Variants in SLITRK5 observed in about 807,000 individuals in gnomAD.
SLITRK5 encodes the protein SLIT and NTRK-like protein 5.
A neutral mutation model predicts 56.2 loss-of-function variants in SLITRK5; 23 were observed. The observed-to-expected ratio is 0.41, with a 90% CI of 0.29 to 0.58. SLITRK5 has a LOEUF of 0.58. Ranked by LOEUF, SLITRK5 falls within the 20% of genes least tolerant of loss-of-function variation. The probability of loss-of-function intolerance (pLI) is 0.30; values close to 1 mark genes in which losing one functional copy is unlikely to be tolerated. For synonymous variants in SLITRK5, 637 were observed against 531.8 expected (o/e 1.20, Z -2.72); for missense variants, 1,289 against 1,226.6 (o/e 1.05, Z -0.76).
Position 87,676,300 on chromosome 13 carries a change from G to T in SLITRK5, c.912G>T (p.Gly304=), listed in dbSNP as rs765764841. Residue 304 remains glycine (G), a synonymous_variant, in exon 2 of 2, where the codon GGG becomes GGT. Coordinates refer to ENST00000683689, the MANE Select transcript of SLITRK5 (RefSeq NM_001384609.1). ...MRPQTPLSTT[G]YLHTTPASVN... ...CGCAGACGCCTTTGAGCACCACGGG[G>T]TATTTACACACCACCCCGGCGTCAG... 2 of 1,614,078 alleles carry T rather than the reference G, an allele frequency of 1.2e-6. No individual in the cohort carries two copies. The highest frequency in any genetic ancestry group is 1.7e-5 in the Admixed American group (1 of 60,010).
rs75498472 is a variant in SLITRK5, at chr13:87,675,700, C to T, written c.312C>T (p.Tyr104=). ...TCTATCCCAATGAGTTTGTCAATTA[C>T]ACTGGGGCTTCAATTTTGCATCTAG... is the stretch of plus-strand genomic sequence containing the variant. ...NRLYPNEFVN[Y]TGASILHLGS... The change falls in exon 2 of 2, where the codon TAC becomes TAT. Residue 104 remains tyrosine (Y), a synonymous_variant. Transcript: ENST00000683689. 2.0e-5 allele frequency: 33 copies of T among 1,614,166 alleles called. No homozygotes were observed. The highest frequency in any genetic ancestry group is 2.8e-5 in the Non-Finnish European group (33 of 1,180,040).
Position 87,678,208 on chromosome 13 carries a change from C to G in SLITRK5, c.2820C>G (p.Asn940Lys), listed in dbSNP as rs202157449. 1.8e-5 allele frequency: 29 copies of G among 1,614,064 alleles called. No homozygotes were observed. Among genetic ancestry groups the G allele is most frequent in the Non-Finnish European group, 2.1e-5 (25 of 1,180,040 alleles). ...NEYLELKAKL[N>K]VEPDYLEVLE... ...ATCTGGAGTTAAAAGCAAAACTAAA[C>G]GTTGAGCCGGACTACCTCGAAGTGC... Residue 940 changes from asparagine (N) to lysine (K), a missense_variant, in exon 2 of 2, where the codon AAC (asparagine) becomes AAG (lysine). Physicochemically the swap from Asn to Lys is moderately conservative, Grantham distance 94 (BLOSUM62 0). Around this residue, in one of 3 missense-constraint regions of SLITRK5, gnomAD observed 985 missense variants for 906.0 expected, o/e 1.09. Coordinates refer to ENST00000683689, the MANE Select transcript of SLITRK5 (RefSeq NM_001384609.1).
In SLITRK5 at chr13:87,675,749, G is replaced by A. The variant is rs779859094; in HGVS notation, c.361G>A (p.Glu121Lys). The A allele has an allele frequency of 3.1e-6, 5 of 1,614,158 alleles. No individual in the cohort carries two copies. Among genetic ancestry groups the A allele is most frequent in the Non-Finnish European group, 4.2e-6 (5 of 1,180,042 alleles). The change falls in exon 2 of 2, where the codon GAG (glutamate) becomes AAG (lysine). Residue 121 changes from glutamate to lysine, a missense_variant. By Grantham distance (56) the Glu-to-Lys change is moderately conservative. Around this residue, in one of 3 missense-constraint regions of SLITRK5, gnomAD observed 291 missense variants for 286.7 expected, o/e 1.02. Coordinates refer to ENST00000683689, the MANE Select transcript of SLITRK5 (RefSeq NM_001384609.1). ...AGGTAGCAATGTTATCCAGGACATT[G>A]AGACCGGGGCTTTCCATGGGCTACG... ...HLGSNVIQDI[E>K]TGAFHGLRGL...
Position 87,678,018 on chromosome 13 carries a change from A to C in SLITRK5, c.2630A>C (p.Tyr877Ser). 1 of 1,614,088 alleles carries C rather than the reference A, an allele frequency of 6.2e-7. No individual in the cohort carries two copies. The highest frequency in any genetic ancestry group is 8.5e-7 in the Non-Finnish European group (1 of 1,179,968). The change falls in exon 2 of 2, where the codon TAT becomes TCT. Residue 877 changes from tyrosine (Y) to serine (S), a missense_variant. This residue lies in a region of SLITRK5 where 985 missense variants were observed against 906.0 expected (regional missense o/e 1.09). Transcript: ENST00000683689. Reference sequence around the variant, plus strand: ...CCCGCCGGCAATAGCCTCCCGGAATATCCCAAATTCCCGTGCAGCCCCGCT... The same window carrying C: ...CCCGCCGGCAATAGCCTCCCGGAATCTCCCAAATTCCCGTGCAGCCCCGCT... ...TTPAGNSLPE[Y>S]PKFPCSPAAY...
Position 87,675,676 on chromosome 13 carries a change from C to A in SLITRK5, c.288C>A (p.Leu96=), listed in dbSNP as rs1202258798. The change falls in exon 2 of 2, where the codon CTC becomes CTA. Residue 96 remains leucine (L), a synonymous_variant. Coordinates refer to ENST00000683689, the MANE Select transcript of SLITRK5 (RefSeq NM_001384609.1). ...LLLSGNLLNR[L]YPNEFVNYTG... ...TGTCCGGAAACCTTTTGAACCGTCT[C>A]TATCCCAATGAGTTTGTCAATTACA... 1 of 1,614,198 alleles carries A rather than the reference C, an allele frequency of 6.2e-7. No homozygotes were observed. Among genetic ancestry groups the A allele is most frequent in the African/African-American group, 1.3e-5 (1 of 75,056 alleles).
chr13:87,677,815 C>T lies in SLITRK5; in HGVS notation c.2427C>T (p.Pro809=). Residue 809 remains proline (P), a synonymous_variant, in exon 2 of 2, where the codon CCC becomes CCT. Transcript: ENST00000683689. This position sits in a 1 kb window ranked among gnomAD's most constrained non-coding sequence, Gnocchi z 4.7. The part of the protein sequence containing the change: ...PPPPQQPQQQ[P]PPQLQLQPGE... ...CACCGCAGCAGCCACAGCAGCAGCC[C>T]CCGCCGCAGCTGCAGCTGCAGCCCG... The T allele has an allele frequency of 6.2e-7, 1 of 1,611,082 alleles. No individual in the cohort carries two copies. Among genetic ancestry groups the T allele is most frequent in the Non-Finnish European group, 8.5e-7 (1 of 1,178,366 alleles).
rs1280771765 is a variant in SLITRK5 at position 87,673,329 on chromosome 13, C to T, written c.-9+1120C>T. 7 of 341,836 alleles carry T rather than the reference C, an allele frequency of 2.0e-5. No homozygotes were observed. The East Asian group carries it at 5.4e-4, about 26-fold the overall frequency. The allele number at this position is 341,836 out of a possible 1,614,324, so 21.2% of individuals were successfully genotyped here. A position where few individuals can be genotyped will look rare whatever the true frequency, so the allele number is the denominator to read the frequency against. ...CTTTATTTTCTCAAATTTTTGGTCT[C>T]CTTTGCTAGCAAGGAGGAGGGGGAA... On this transcript the variant is annotated intron_variant, in intron 1 of 1. Coordinates refer to ENST00000683689, the MANE Select transcript of SLITRK5 (RefSeq NM_001384609.1).
At chr13:87,672,353 C>G (rs530110877) in intron 1 of SLITRK5, among the ~76,000 whole-genome samples, 144 bp downstream of exon 1, 85 of 152,074 alleles carry the variant, frequency 5.6e-4, no homozygotes, top group African/African-American at 2.0e-3. Flanking sequence ...GTCACGTTGG[C>G]GGGGCCGGCG....
In SLITRK5 at chr13:87,675,637, C is replaced by A; in HGVS notation, c.249C>A (p.Ile83=). 6.2e-7 allele frequency: 1 copy of A among 1,614,224 alleles called. No individual in the cohort carries two copies. The highest frequency in any genetic ancestry group is 1.1e-5 in the South Asian group (1 of 91,088). The part of the protein sequence containing the change: ...LSEISPPRFP[I]YHLLLSGNLL... ...AAATTAGCCCTCCCCGTTTCCCAAT[C>A]TACCACCTCTTGTTGTCCGGAAACC... is the stretch of plus-strand genomic sequence containing the variant. Residue 83 remains isoleucine (I), a synonymous_variant, in exon 2 of 2, where the codon ATC becomes ATA. Transcript: ENST00000683689.
chr13:87,675,306 G>T, intron 1 of SLITRK5, 75 bp from the exon 2 acceptor site: 1 of 1,048,162 alleles, frequency 9.5e-7, no homozygotes, highest in Middle Eastern at 2.1e-4. Flanking sequence ...TGTTAAGAAA[G>T]AGAGAGACTT....
Position 87,678,392 on chromosome 13 carries a change from T to C in SLITRK5, c.*127T>C, listed in dbSNP as rs548949503. 2.1e-5 allele frequency: 19 copies of C among 908,638 alleles called. No individual in the cohort carries two copies. In the South Asian group the frequency reaches 2.8e-4, roughly 13 times the overall value. 56.3% of individuals were successfully genotyped at this position (908,638 alleles called of 1,614,324 possible). A position where few individuals can be genotyped will look rare whatever the true frequency, so the allele number is the denominator to read the frequency against. ...GTGAAGTGCCTTGGCACGGGATTTC[T>C]CAGCTTCGGTGGAAGATACGAAAAG... On this transcript the variant is annotated 3_prime_UTR_variant, in exon 2 of 2. Transcript: ENST00000683689.
chr13:87,672,980 G>A (rs1376675528), intron 1 of SLITRK5, among the ~76,000 whole-genome samples: 1 of 150,234 alleles, frequency 6.7e-6, no homozygotes, highest in African/African-American at 2.5e-5. Flanking sequence ...CCTTCTCTTT[G>A]GGGCGGGGTG....
At position 87,675,511 on chromosome 13, in the gene SLITRK5, C is replaced by G. The variant is rs1001992164; in HGVS notation, c.123C>G (p.Ile41Met). The G allele has an allele frequency of 1.2e-6, 2 of 1,614,160 alleles. No homozygotes were observed. Among genetic ancestry groups the G allele is most frequent in the Non-Finnish European group, 1.7e-6 (2 of 1,180,034 alleles). The change falls in exon 2 of 2, where the codon ATC becomes ATG. Residue 41 changes from isoleucine (I) to methionine (M), a missense_variant. Ile to Met is a conservative substitution (Grantham distance 10). Coordinates refer to ENST00000683689, the MANE Select transcript of SLITRK5 (RefSeq NM_001384609.1). The part of the protein sequence containing the change: ...TSLVLSCAET[I>M]DYYGEICDNA... The stretch of plus-strand genomic sequence containing the variant: ...TCGTCCTTTCGTGTGCAGAAACCAT[C>G]GATTATTATGGGGAAATCTGTGACA...
chr13:87,675,864 A>C lies in SLITRK5; in HGVS notation c.476A>C (p.Gln159Pro). Residue 159 changes from glutamine to proline, a missense_variant, in exon 2 of 2, where the codon CAG (glutamine) becomes CCG (proline). Around this residue, in one of 3 missense-constraint regions of SLITRK5, gnomAD observed 291 missense variants for 286.7 expected, o/e 1.02. Transcript: ENST00000683689. ...FLGLENLEYL[Q>P]VDYNYISVIE... is the part of the protein sequence containing the mutation. ...GGCTTGGAGAACCTGGAGTACCTACAGGTCGATTACAACTACATCAGCGTC... is the reference window on the plus strand; with the variant it reads ...GGCTTGGAGAACCTGGAGTACCTACCGGTCGATTACAACTACATCAGCGTC... The C allele has an allele frequency of 6.2e-7, 1 of 1,614,186 alleles. No homozygotes were observed. The highest frequency in any genetic ancestry group is 8.5e-7 in the Non-Finnish European group (1 of 1,180,028).
In SLITRK5 at chr13:87,675,968, A is replaced by C. The variant is rs1183800909; in HGVS notation, c.580A>C (p.Asn194His). The change falls in exon 2 of 2, where the codon AAC becomes CAC. Residue 194 changes from asparagine (N) to histidine (H), a missense_variant. Transcript: ENST00000683689. Reference sequence around the variant, plus strand: ...TGACAATCTTTTGTCCAGTTTACCCAACAATCTTTTCCGTTTTGTGCCCTT... The same window carrying C: ...TGACAATCTTTTGTCCAGTTTACCCCACAATCTTTTCCGTTTTGTGCCCTT... ...LNDNLLSSLP[N>H]NLFRFVPLTH... The C allele has an allele frequency of 1.9e-6, 3 of 1,614,006 alleles. No individual in the cohort carries two copies. Among genetic ancestry groups the C allele is most frequent in the Non-Finnish European group, 2.5e-6 (3 of 1,180,034 alleles).
chr13:87,672,917 C>CG (rs1270270918), intron 1 of SLITRK5: 1 of 116,526 alleles, frequency 8.6e-6, no homozygotes, highest in East Asian at 3.2e-4. Context: ...GTCTATGTGG[C>CG]GGGGTGGTTT....
intron 1 of SLITRK5, chr13:87,672,469 G>T (rs1247537285): frequency 1.7e-5 from 2 of 115,866 alleles, no homozygotes; most frequent in Non-Finnish European, 3.5e-5. Flanking sequence ...CCCCTACCGC[G>T]AGGCGCCTCT....
At chr13:87,674,477 T>G (rs570071607) in intron 1 of SLITRK5, 1 of 846,256 alleles carries the variant, frequency 1.2e-6, no homozygotes, top group South Asian at 5.4e-5. Flanking sequence ...CTTTTTAAAC[T>G]CTAGGCATCG....
intron 1 of SLITRK5, chr13:87,673,684 G>A (rs1877143988): frequency 2.1e-6 from 1 of 465,144 alleles, no homozygotes. Context: ...TATGCACTGT[G>A]GTTCCAATTC....
Sources: gnomAD v4.1 joint callset for allele counts (sites outside exome capture counted in the v4.1 genomes callset) on GRCh38, gnomAD v4.1.1 for gene constraint, gnomAD v4.1.1 regional missense constraint, Gnocchi (gnomAD v3.1) non-coding constraint, MANE v1.5 for transcripts, NCBI Gene and HGNC (gene_info 2026-07-23, HGNC 2026-07-21) for gene names.